SLC10A2: variants seen among roughly 807,000 people sequenced by gnomAD.
SLC10A2 encodes the protein ileal sodium/bile acid cotransporter.
Under a neutral mutation model 27.1 loss-of-function variants are expected in SLC10A2, and 34 were observed. The ratio of observed to expected loss-of-function variants is 1.26; its 90% CI spans 0.96 to 1.67. The LOEUF is 1.67. Ranked by LOEUF, SLC10A2 falls within the 40% of genes most tolerant of loss-of-function variation. The pLI, the probability that SLC10A2 is intolerant of heterozygous loss-of-function variation, is 0.00. For missense variants in SLC10A2, 530 were observed against 444.4 expected (o/e 1.19, Z -1.73); for synonymous variants, 205 against 174.0 (o/e 1.18, Z -1.40).
chr13:103,045,167 C>T lies in SLC10A2; in HGVS notation c.*966G>A, dbSNP rs1221914279. 1 of 152,208 alleles carries T rather than the reference C, an allele frequency of 6.6e-6. No homozygotes were observed. Among genetic ancestry groups the T allele is most frequent in the Non-Finnish European group, 1.5e-5 (1 of 68,050 alleles). The allele number at this position is 152,208 out of a possible 1,614,324, so 9.4% of individuals were successfully genotyped here. ...TTTCTATGTATTTTATACTATCTCC[C>T]ATTGAATTAATTCCTCCACTAGAGT... On this transcript the variant is annotated 3_prime_UTR_variant, in exon 6 of 6. Transcript: ENST00000245312.
At chr13:103,061,302 C>T (rs1256799436) in intron 1 of SLC10A2, among the ~76,000 whole-genome samples, 1 of 151,946 alleles carries the variant, frequency 6.6e-6, no homozygotes, top group African/African-American at 2.4e-5. Context: ...TAATTTTTTT[C>T]TCTGTTCCTT....
In SLC10A2 at chr13:103,046,198, T is replaced by C. The variant is rs747631853; in HGVS notation, c.982A>G (p.Asn328Asp). The C allele has an allele frequency of 6.2e-6, 10 of 1,613,838 alleles. No homozygotes were observed. The highest frequency in any genetic ancestry group is 8.5e-6 in the Non-Finnish European group (10 of 1,179,880). Residue 328 changes from asparagine (N) to aspartate (D), a missense_variant, in exon 6 of 6, where the codon AAT becomes GAT. Transcript: ENST00000245312. ...NKAEIPESKE[N>D]GTEPESSFYK... is the part of the protein sequence containing the mutation. ...AACGATGACTCTGGCTCCGTTCCAT[T>C]TTCTTTGCTCTCTGGAATTTCTGCC...
At chr13:103,054,236 T>C (rs752200521) in intron 2 of SLC10A2, among the ~76,000 whole-genome samples, 4 of 152,208 alleles carry the variant, frequency 2.6e-5, no homozygotes, top group Non-Finnish European at 1.5e-5. Context: ...ATGTAGAAGC[T>C]GCCTGCTTCC....
chr13:103,057,757 T>C (rs1875982090), intron 2 of SLC10A2, among the ~76,000 whole-genome samples: 1 of 151,902 alleles, frequency 6.6e-6, no homozygotes. Flanking sequence ...TGCATGCTTG[T>C]AATTCCAGCT....
rs200291412 is a variant in SLC10A2, at chr13:103,058,389, G to T, written c.378-7C>A. ...GCATGTGGTCATGCTGACGCTGAAA[G>T]GCAATGGGCAGATTGATACATCCAC... On this transcript the variant is annotated splice_region_variant and splice_polypyrimidine_tract_variant and intron_variant, in intron 1 of 5. Transcript: ENST00000245312. 1 of 1,547,488 alleles carries T rather than the reference G, an allele frequency of 6.5e-7. No individual in the cohort carries two copies.
chr13:103,063,471 G>A (rs1876187562), intron 1 of SLC10A2, among the ~76,000 whole-genome samples: 2 of 152,102 alleles, frequency 1.3e-5, no homozygotes, highest in African/African-American at 2.4e-5. Context: ...AATTCTAAGT[G>A]TACACAACTG....
In SLC10A2 at chr13:103,060,747, T is replaced by C. The variant is rs187655969; in HGVS notation, c.378-2365A>G. Reference sequence around the variant, plus strand: ...TTCCACCAAATAGAATCGGGAAACTTAGAGAAATGAGAAATTTCTCTGAAA... The same window carrying C: ...TTCCACCAAATAGAATCGGGAAACTCAGAGAAATGAGAAATTTCTCTGAAA... On this transcript the variant is annotated intron_variant, in intron 1 of 5. Coordinates refer to ENST00000245312, the MANE Select transcript of SLC10A2 (RefSeq NM_000452.3). 5.9e-5 allele frequency among the ~76,000 whole-genome samples: 9 copies of C among 152,258 alleles called. No individual in the cohort carries two copies. In the East Asian group the frequency reaches 1.5e-3, roughly 26 times the overall value.
Position 103,051,396 on chromosome 13 carries a change from T to A in SLC10A2, c.622A>T (p.Ile208Leu), listed in dbSNP as rs1290084042. The A allele has an allele frequency of 1.2e-6, 2 of 1,613,790 alleles. No individual in the cohort carries two copies. The change falls in exon 4 of 6, where the codon ATA becomes TTA. Residue 208 changes from isoleucine to leucine, a missense_variant. By Grantham distance (5) the Ile-to-Leu change is conservative. Coordinates refer to ENST00000245312, the MANE Select transcript of SLC10A2 (RefSeq NM_000452.3). Reference protein sequence around the residue: ...SIAGAILIVLIAVVGGILYQS... With the variant: ...SIAGAILIVLLAVVGGILYQS... ...TACAATATTCCTCCAACCACAGCTA[T>A]GAGCACAATGAGGATGGCGCCCGCG...
rs201571450 is a variant in SLC10A2, at chr13:103,046,175, C to G, written c.1005G>C (p.Ser335=). Residue 335 remains serine, a synonymous_variant, in exon 6 of 6, where the codon TCG becomes TCC. Transcript: ENST00000245312. Reference sequence around the variant, plus strand: ...GAAATCCTCCATTTGCCTTATAAAACGATGACTCTGGCTCCGTTCCATTTT... The same window carrying G: ...GAAATCCTCCATTTGCCTTATAAAAGGATGACTCTGGCTCCGTTCCATTTT... ...SKENGTEPES[S]FYKANGGFQP... 19 of 1,613,922 alleles carry G rather than the reference C, an allele frequency of 1.2e-5. No homozygotes were observed. The highest frequency in any genetic ancestry group is 1.2e-4 in the Admixed American group (7 of 60,010).
chr13:103,054,092 G>T (rs1245449223), intron 2 of SLC10A2, among the ~76,000 whole-genome samples: 1 of 141,196 alleles, frequency 7.1e-6, no homozygotes. Context: ...TTGGAGGAGG[G>T]GCCTGGTGGG....
At chr13:103,060,055 C>CA (rs1876063972) in intron 1 of SLC10A2, among the ~76,000 whole-genome samples, 1 of 152,146 alleles carries the variant, frequency 6.6e-6, no homozygotes, top group South Asian at 2.1e-4. Context: ...AGGCTATCTA[C>CA]ATGGAGACAT....
In SLC10A2 at chr13:103,066,029, C is replaced by G; in HGVS notation, c.221G>C (p.Cys74Ser). 6.2e-7 allele frequency: 1 copy of G among 1,614,180 alleles called. No individual in the cohort carries two copies. Among genetic ancestry groups the G allele is most frequent in the Non-Finnish European group, 8.5e-7 (1 of 1,180,014 alleles). ...TGTGAGGGGCATGATTCCAAACTGA[C>G]AGAGGAAGCCAACACAAATGCCCCA... ...RPWGICVGFLCQFGIMPLTGF... is the reference protein window; with the variant it reads ...RPWGICVGFLSQFGIMPLTGF... Residue 74 changes from cysteine to serine, a missense_variant, in exon 1 of 6, where the codon TGT (cysteine) becomes TCT (serine). Coordinates refer to ENST00000245312, the MANE Select transcript of SLC10A2 (RefSeq NM_000452.3).
chr13:103,049,353 G>A lies in SLC10A2; in HGVS notation c.855C>T (p.Val285=), dbSNP rs571075072. ...TGTAGATGAGCGGGAAGGTGAATAC[G>A]ACATTGAGCTCCTCAGGAGTGAAGG... ...QLSFTPEELN[V]VFTFPLIYSI... The change falls in exon 5 of 6, where the codon GTC becomes GTT. Residue 285 remains valine, a synonymous_variant. Coordinates refer to ENST00000245312, the MANE Select transcript of SLC10A2 (RefSeq NM_000452.3). 7 of 1,613,978 alleles carry A rather than the reference G, an allele frequency of 4.3e-6. No homozygotes were observed. In the South Asian group the frequency reaches 5.5e-5, roughly 13 times the overall value.
chr13:103,065,730 G>T (rs1423253899), intron 1 of SLC10A2, 143 bp downstream of exon 1: 1 of 900,548 alleles, frequency 1.1e-6, no homozygotes. Context: ...TAGAAGGCAC[G>T]GGAATGCATT....
chr13:103,066,349 A>G lies in SLC10A2; in HGVS notation c.-100T>C. 1 of 1,378,178 alleles carries G rather than the reference A, an allele frequency of 7.3e-7. No individual in the cohort carries two copies. The highest frequency in any genetic ancestry group is 9.7e-7 in the Non-Finnish European group (1 of 1,033,766). 85.4% of individuals were successfully genotyped at this position (1,378,178 alleles called of 1,614,324 possible). ...GTTAAGCAACGTTTACTTCTACCCCATCAAACTTTTAAACCCCTCCTAAAA... is the reference window on the plus strand; with the variant it reads ...GTTAAGCAACGTTTACTTCTACCCCGTCAAACTTTTAAACCCCTCCTAAAA... On this transcript the variant is annotated 5_prime_UTR_variant, in exon 1 of 6. The change abolishes an upstream ATG in the 5' untranslated region. Transcript: ENST00000245312.
At position 103,051,364 on chromosome 13, in the gene SLC10A2, G is replaced by A. The variant is rs140050923; in HGVS notation, c.654C>T (p.Ser218=). ...IAVVGGILYQ[S]AWIIAPKLWI... ...ACAGTTTGGGAGCAATGATCCAGGC[G>A]CTTTGGTACAATATTCCTCCAACCA... is the stretch of plus-strand genomic sequence containing the variant. Residue 218 remains serine (S), a synonymous_variant, in exon 4 of 6, where the codon AGC becomes AGT. Transcript: ENST00000245312. 2.1e-5 allele frequency: 34 copies of A among 1,613,870 alleles called. No homozygotes were observed. Among genetic ancestry groups the A allele is most frequent in the African/African-American group, 4.0e-5 (3 of 74,886 alleles).
At position 103,048,230 on chromosome 13, in the gene SLC10A2, A is replaced by G. The variant is rs192191551; in HGVS notation, c.919+1059T>C. 9.9e-3 allele frequency among the ~76,000 whole-genome samples: 1,504 copies of G among 152,162 alleles called. 21 individuals carry two copies. Among genetic ancestry groups the G allele is most frequent in the African/African-American group, 0.035 (1,439 of 41,518 alleles). ...TCGGAACCCCGTCTCTACTAAAAAT[A>G]CAAAAACAAAATTAGCCTGTCATGG... On this transcript the variant is annotated intron_variant, in intron 5 of 5. Transcript: ENST00000245312.
In SLC10A2 at chr13:103,058,329, C is replaced by T. The variant is rs143238545; in HGVS notation, c.431G>A (p.Cys144Tyr). The T allele has an allele frequency of 1.1e-4, 174 of 1,613,846 alleles. No individual in the cohort carries two copies. The highest frequency in any genetic ancestry group is 1.6e-4 in the Middle Eastern group (1 of 6,080). ...CCACATTTTGGTATAGATAAGGAGG[C>T]ACAGCGGCATCATTCCGAGGGCAAG... ...TLLALGMMPLCLLIYTKMWVD... is the reference protein window; with the variant it reads ...TLLALGMMPLYLLIYTKMWVD... The change falls in exon 2 of 6, where the codon TGC (cysteine) becomes TAC (tyrosine). Residue 144 changes from cysteine (C) to tyrosine (Y), a missense_variant. By Grantham distance (194) the Cys-to-Tyr change is radical. Coordinates refer to ENST00000245312, the MANE Select transcript of SLC10A2 (RefSeq NM_000452.3).
intron 2 of SLC10A2, among the ~76,000 whole-genome samples, chr13:103,055,978 T>C (rs696914): frequency 0.45 from 67,920 of 152,128 alleles, 15,541 homozygotes; most frequent in Non-Finnish European, 0.51. Flanking sequence ...GTCTATTGCC[T>C]ATACCTATTT....
Sources: gnomAD v4.1 joint callset for allele counts (sites outside exome capture counted in the v4.1 genomes callset) on GRCh38, gnomAD v4.1.1 for gene constraint, MANE v1.5 for transcripts, NCBI Gene and HGNC (gene_info 2026-07-23, HGNC 2026-07-21) for gene names.